BCAS3: variants seen among roughly 807,000 people sequenced by gnomAD.
BCAS3 encodes BCAS3 microtubule associated cell migration factor.
BCAS3 carries 53 observed loss-of-function variants against 116.1 expected under a neutral mutation model. That is an observed-to-expected ratio of 0.46 (90% confidence interval 0.37 to 0.57). The LOEUF is 0.57. BCAS3 is among the 20% of genes least tolerant of loss of function. The pLI, the probability that BCAS3 is intolerant of heterozygous loss-of-function variation, is 0.00. For synonymous variants in BCAS3, 391 were observed against 408.2 expected (o/e 0.96, Z 0.51); for missense variants, 917 against 1,165.4 (o/e 0.79, Z 3.10).
intron 9 of BCAS3, among the ~76,000 whole-genome samples, chr17:60,877,281 A>G (rs545405511): frequency 6.6e-5 from 10 of 152,114 alleles, no homozygotes; most frequent in Admixed American, 1.3e-4. Context: ...TTTGGAAAGG[A>G]TGAGTTTGTT....
rs2056856026 is a variant in BCAS3 at position 61,337,985 on chromosome 17, C to T, written c.2426-30342C>T. On this transcript the variant is annotated intron_variant, in intron 22 of 23. Coordinates refer to ENST00000407086, the MANE Select transcript of BCAS3 (RefSeq NM_017679.5). This position sits in a 1 kb window ranked among gnomAD's most constrained non-coding sequence, Gnocchi z 4.8. ...AGTCTGGGTTCTGACTTAGGAACTG[C>T]AGCGTCCCTTCTGTGTTGTGAGCAA... 1.3e-5 allele frequency among the ~76,000 whole-genome samples: 2 copies of T among 152,192 alleles called. No individual in the cohort carries two copies. Among genetic ancestry groups the T allele is most frequent in the South Asian group, 4.1e-4 (2 of 4,832 alleles).
At chr17:60,739,418 G>C (rs2041304902) in intron 5 of BCAS3, among the ~76,000 whole-genome samples, 2 of 152,174 alleles carry the variant, frequency 1.3e-5, no homozygotes, top group Admixed American at 6.5e-5. Context: ...TCAGGAGATC[G>C]AGACCAGCCT....
rs993246276 is a variant in BCAS3 at position 61,256,445 on chromosome 17, A to C, written c.2426-111882A>C. Among the ~76,000 whole-genome samples, 1 of 152,120 alleles carries C rather than the reference A, an allele frequency of 6.6e-6. No homozygotes were observed. Among genetic ancestry groups the C allele is most frequent in the Non-Finnish European group, 1.5e-5 (1 of 68,012 alleles). ...CAGCCTCCTGAGTAGCTGGGATTAC[A>C]GGCGTGGGCCACCATACCTGGCTAA... On this transcript the variant is annotated intron_variant, in intron 22 of 23. Coordinates refer to ENST00000407086, the MANE Select transcript of BCAS3 (RefSeq NM_017679.5). This position sits in a 1 kb window ranked among gnomAD's most constrained non-coding sequence, Gnocchi z 5.6.
intron 7 of BCAS3, chr17:60,810,783 C>A: frequency 1.5e-6 from 1 of 659,124 alleles, no homozygotes. Flanking sequence ...TCAAGGCTCT[C>A]AAGGAGGAGC....
intron 19 of BCAS3, among the ~76,000 whole-genome samples, chr17:61,064,878 G>T (rs951918948): frequency 2.4e-4 from 37 of 152,112 alleles, no homozygotes; most frequent in African/African-American, 8.9e-4. Context: ...TCCCCTTTAT[G>T]TATTGTTGTT....
chr17:61,115,128 A>G (rs1400499438), intron 22 of BCAS3, among the ~76,000 whole-genome samples: 1 of 151,484 alleles, frequency 6.6e-6, no homozygotes, highest in Non-Finnish European at 1.5e-5. Flanking sequence ...ACCTAAAACC[A>G]TAAAAACCCT....
Position 61,082,144 on chromosome 17 carries a change from G to A in BCAS3, c.2328-2323G>A, listed in dbSNP as rs996388213. ...CTAACAGACCTGAGAAACATATAATGTAAAAGATGCTGAGTATGCAAAGCC... is the reference window on the plus strand; with the variant it reads ...CTAACAGACCTGAGAAACATATAATATAAAAGATGCTGAGTATGCAAAGCC... On this transcript the variant is annotated intron_variant, in intron 21 of 23. Transcript: ENST00000407086. The surrounding 1 kb of genome is among the most constrained non-coding windows in gnomAD (Gnocchi z 5.1). Among the ~76,000 whole-genome samples the A allele has an allele frequency of 6.6e-6, 1 of 152,188 alleles. No individual in the cohort carries two copies. The highest frequency in any genetic ancestry group is 2.4e-5 in the African/African-American group (1 of 41,452).
intron 22 of BCAS3, among the ~76,000 whole-genome samples, chr17:61,277,814 G>A (rs2050898407): frequency 6.6e-6 from 1 of 152,134 alleles, no homozygotes; most frequent in African/African-American, 2.4e-5. Flanking sequence ...CACCCACTAG[G>A]ATGACTATGA....
chr17:60,738,925 G>A (rs2041246393), intron 5 of BCAS3, among the ~76,000 whole-genome samples: 1 of 151,848 alleles, frequency 6.6e-6, no homozygotes, highest in South Asian at 2.1e-4. Flanking sequence ...TTTTTTAATT[G>A]TTGCTTTGTT....
chr17:60,727,189 T>C, intron 5 of BCAS3: 1 of 856,612 alleles, frequency 1.2e-6, no homozygotes, highest in Non-Finnish European at 1.9e-6. Flanking sequence ...CTTGGCCCTT[T>C]CTCTTCTTAT....
intron 13 of BCAS3, among the ~76,000 whole-genome samples, chr17:60,929,704 T>C (rs899988313): frequency 7.1e-6 from 1 of 140,324 alleles, no homozygotes; most frequent in Non-Finnish European, 1.5e-5. Flanking sequence ...TATCTCCTAA[T>C]GCTATCCCTC....
At chr17:60,876,932 A>T (rs985103891) in intron 9 of BCAS3, among the ~76,000 whole-genome samples, 1 of 152,078 alleles carries the variant, frequency 6.6e-6, no homozygotes, top group East Asian at 1.9e-4. Context: ...TCTCTTAATA[A>T]TAAAACCCAG....
rs1033970141 is a variant in BCAS3, at chr17:61,377,129, C to T, written c.2593+8635C>T. On this transcript the variant is annotated intron_variant, in intron 23 of 23. Transcript: ENST00000407086. The surrounding 1 kb of genome is among the most constrained non-coding windows in gnomAD (Gnocchi z 4.6). ...CCAAGTGGAAGTCAGGAGTGCTCCC[C>T]TGCCCACAGGGCATGGTCTTTCTAG... 2.6e-5 allele frequency among the ~76,000 whole-genome samples: 4 copies of T among 152,202 alleles called. No homozygotes were observed. The highest frequency in any genetic ancestry group is 9.6e-5 in the African/African-American group (4 of 41,456).
chr17:61,106,985 G>T lies in BCAS3; in HGVS notation c.2425+22421G>T, dbSNP rs576718985. Among the ~76,000 whole-genome samples, 1 of 151,270 alleles carries T rather than the reference G, an allele frequency of 6.6e-6. No individual in the cohort carries two copies. Among genetic ancestry groups the T allele is most frequent in the African/African-American group, 2.4e-5 (1 of 41,324 alleles). ...TTTACATATTGCCAGGTTGCCCTAA[G>T]TAAAGTTCTATCAATTTGTGCTTCA... On this transcript the variant is annotated intron_variant, in intron 22 of 23. Transcript: ENST00000407086. This position sits in a 1 kb window ranked among gnomAD's most constrained non-coding sequence, Gnocchi z 4.2.
chr17:60,989,955 CT>C lies in BCAS3; in HGVS notation c.1222-14del, dbSNP rs760819397. The C allele has an allele frequency of 6.2e-7, 1 of 1,605,530 alleles. No homozygotes were observed. Among genetic ancestry groups the C allele is most frequent in the Non-Finnish European group, 8.5e-7 (1 of 1,173,934 alleles). On this transcript the variant is annotated splice_polypyrimidine_tract_variant and intron_variant, in intron 14 of 23. Coordinates refer to ENST00000407086, the MANE Select transcript of BCAS3 (RefSeq NM_017679.5). ...AGTTTGAGACATTTTTGTATCTTTT[CT>C]TATCTCATTTCTAGGTACAGGACAT... is the stretch of plus-strand genomic sequence containing the variant.
intron 7 of BCAS3, among the ~76,000 whole-genome samples, chr17:60,808,697 A>G (rs1406257573): frequency 6.6e-6 from 1 of 152,206 alleles, no homozygotes; most frequent in African/African-American, 2.4e-5. Flanking sequence ...CGGGTGTAGG[A>G]TAAGGATACA....
intron 5 of BCAS3, among the ~76,000 whole-genome samples, chr17:60,727,834 G>A (rs905511036): frequency 6.7e-6 from 1 of 150,044 alleles, no homozygotes; most frequent in Non-Finnish European, 1.5e-5. Flanking sequence ...TTGACACAGG[G>A]TCTTGCTCTG....
chr17:60,777,092 A>G (rs1033776412), intron 6 of BCAS3, among the ~76,000 whole-genome samples: 2 of 151,958 alleles, frequency 1.3e-5, no homozygotes, highest in Admixed American at 6.6e-5. Flanking sequence ...ATGTGTATAT[A>G]TATATTTCAC....
intron 16 of BCAS3, among the ~76,000 whole-genome samples, chr17:61,033,505 C>G (rs1308331974): frequency 5.9e-5 from 9 of 152,138 alleles, no homozygotes; most frequent in Admixed American, 5.9e-4. Context: ...GAGGTGCCAG[C>G]ACTGGGATTC....
Sources: allele counts gnomAD v4.1 joint callset (sites outside exome capture counted in the v4.1 genomes callset), GRCh38; gene constraint gnomAD v4.1.1; non-coding constraint Gnocchi (gnomAD v3.1); transcripts MANE v1.5; gene names NCBI Gene and HGNC (gene_info 2026-07-23, HGNC 2026-07-21).